Variants in BBS4 observed in about 807,000 individuals in gnomAD.
BBS4 encodes Bardet-Biedl syndrome 4.
A neutral mutation model predicts 71.4 loss-of-function variants in BBS4; 58 were observed. That is an observed-to-expected ratio of 0.81 (90% CI 0.66 to 1.01). The LOEUF (loss-of-function observed/expected upper bound fraction) is 1.01, where lower values mean the gene tolerates loss of function less well. Ranked by LOEUF, BBS4 falls within the 50% of genes least tolerant of loss-of-function variation. The pLI is 0.00. For missense variants in BBS4, 660 were observed against 607.9 expected, an observed-to-expected ratio of 1.09 and a Z score of -0.90; for synonymous variants, 228 against 216.8, an observed-to-expected ratio of 1.05 and a Z score of -0.46.
chr15:72,722,659 A>C (rs1372504339), intron 6 of BBS4, 135 bp from the exon 7 acceptor site: 49 of 743,156 alleles, frequency 6.6e-5, no homozygotes, highest in Non-Finnish European at 1.1e-4. Context: ...AACTCTAATA[A>C]AAAGCTGACT....
chr15:72,737,809 G>A lies in BBS4; in HGVS notation c.*222G>A, dbSNP rs1040450442. 3 of 568,338 alleles carry A rather than the reference G, an allele frequency of 5.3e-6. No homozygotes were observed. In the African/African-American group the frequency reaches 5.6e-5, roughly 11 times the overall value. The allele number at this position is 568,338 out of a possible 1,614,324, so 35.2% of individuals were successfully genotyped here. On this transcript the variant is annotated 3_prime_UTR_variant, in exon 16 of 16. Coordinates refer to ENST00000268057, the MANE Select transcript of BBS4 (RefSeq NM_033028.5). ...CCCCATAAGCCAGGAAAAGTGAAAA[G>A]AGAACACAGTTCCTTTAAGAACTGG...
intron 1 of BBS4, among the ~76,000 whole-genome samples, chr15:72,692,942 C>T (rs1219285618): frequency 6.6e-6 from 1 of 152,088 alleles, no homozygotes; most frequent in African/African-American, 2.4e-5. Flanking sequence ...TTTCTACCTC[C>T]TTTCTTTTTT....
chr15:72,709,625 T>A lies in BBS4; in HGVS notation c.77-75T>A, dbSNP rs1371208658. 12 of 1,060,662 alleles carry A rather than the reference T, an allele frequency of 1.1e-5. 1 individual carries two copies. The highest frequency in any genetic ancestry group is 2.3e-4 in the Middle Eastern group (1 of 4,422). The allele number at this position is 1,060,662 out of a possible 1,614,324, so 65.7% of individuals were successfully genotyped here. A position where few individuals can be genotyped will look rare whatever the true frequency, so the allele number is the denominator to read the frequency against. Reference sequence around the variant, plus strand: ...GATATTGCAGTATGTTTATGGTTAGTTTAGACATGAGGACAGTGCTAAAGG... The same window carrying A: ...GATATTGCAGTATGTTTATGGTTAGATTAGACATGAGGACAGTGCTAAAGG... On this transcript the variant is annotated intron_variant, in intron 2 of 15. Transcript: ENST00000268057.
intron 4 of BBS4, among the ~76,000 whole-genome samples, chr15:72,714,220 CTTTTTT>C (rs58123834): frequency 2.3e-4 from 23 of 98,482 alleles, no homozygotes; most frequent in Non-Finnish European, 3.9e-4. Flanking sequence ...CACTCACTTA[CTTTTTT>C]TTTTTTTTTT....
In BBS4 at chr15:72,737,768, C is replaced by G. The variant is rs1440649501; in HGVS notation, c.*181C>G. 3.1e-6 allele frequency: 2 copies of G among 637,822 alleles called. No individual in the cohort carries two copies. The highest frequency in any genetic ancestry group is 2.9e-6 in the Non-Finnish European group (1 of 346,406). 39.5% of individuals were successfully genotyped at this position (637,822 alleles called of 1,614,324 possible). On this transcript the variant is annotated 3_prime_UTR_variant, in exon 16 of 16. Coordinates refer to ENST00000268057, the MANE Select transcript of BBS4 (RefSeq NM_033028.5). ...CCTACCTGGTATTGGCATTTGAGGTCGGAAACCCTCTACTGCCCCATAAGC... is the reference window on the plus strand; with the variant it reads ...CCTACCTGGTATTGGCATTTGAGGTGGGAAACCCTCTACTGCCCCATAAGC...
Position 72,731,368 on chromosome 15 carries a change from T to A in BBS4, c.775T>A (p.Tyr259Asn), listed in dbSNP as rs144043892. The change falls in exon 11 of 16, where the codon TAC becomes AAC. Residue 259 changes from tyrosine to asparagine, a missense_variant. Transcript: ENST00000268057. Reference sequence around the variant, plus strand: ...GGACTTTGATGTTGCCCTCACCAAATACAGAGTTGTGGCTTGTGCTGTTCC... The same window carrying A: ...GGACTTTGATGTTGCCCTCACCAAAAACAGAGTTGTGGCTTGTGCTGTTCC... ...HGDFDVALTK[Y>N]RVVACAVPES... The A allele has an allele frequency of 3.7e-6, 6 of 1,614,066 alleles. No homozygotes were observed. The highest frequency in any genetic ancestry group is 5.1e-6 in the Non-Finnish European group (6 of 1,180,030).
intron 10 of BBS4, among the ~76,000 whole-genome samples, chr15:72,731,065 CTTTTTTTTTTTTTTTTTT>C (rs35004414): frequency 5.2e-5 from 4 of 77,610 alleles, no homozygotes; most frequent in Non-Finnish European, 9.6e-5. Flanking sequence ...AACATTTTAT[CTTTTTTTTTTTTTTTTTT>C]TTTTTTTTTT....
intron 3 of BBS4, 56 bp from the exon 4 acceptor site, chr15:72,712,188 A>G (rs2065385042): frequency 1.3e-6 from 2 of 1,543,588 alleles, no homozygotes; most frequent in Non-Finnish European, 8.9e-7. Flanking sequence ...ACTTTTTCTT[A>G]AAGACACCTG....
rs2065948530 is a variant in BBS4 at position 72,737,496 on chromosome 15, A to C, written c.1469A>C (p.Gln490Pro). Reference sequence around the variant, plus strand: ...TTACTAGGTGCTGGAGGAACATCCCAGTTCACAAAGCCCCCATCTCTTCCT... The same window carrying C: ...TTACTAGGTGCTGGAGGAACATCCCCGTTCACAAAGCCCCCATCTCTTCCT... ...TLPSGAGGTS[Q>P]FTKPPSLPLE... Residue 490 changes from glutamine (Q) to proline (P), a missense_variant, in exon 16 of 16, where the codon CAG becomes CCG. Physicochemically the swap from Gln to Pro is moderately conservative, Grantham distance 76. Transcript: ENST00000268057. 15 of 1,612,692 alleles carry C rather than the reference A, an allele frequency of 9.3e-6. No individual in the cohort carries two copies. The highest frequency in any genetic ancestry group is 1.2e-5 in the Non-Finnish European group (14 of 1,179,512).
At chr15:72,734,725 G>A (rs184983992) in intron 12 of BBS4, among the ~76,000 whole-genome samples, 3 of 152,250 alleles carry the variant, frequency 2.0e-5, no homozygotes, top group Admixed American at 2.0e-4. Context: ...AAAGATCATG[G>A]TTATAGATGT....
At chr15:72,706,614 G>C (rs2065268533) in intron 2 of BBS4, among the ~76,000 whole-genome samples, 1 of 152,172 alleles carries the variant, frequency 6.6e-6, no homozygotes, top group Non-Finnish European at 1.5e-5. Flanking sequence ...GGAAACACAA[G>C]TCTTAGAAGA....
At chr15:72,686,475 C>T (rs1341187336) in intron 1 of BBS4, 3 of 1,529,464 alleles carry the variant, frequency 2.0e-6, no homozygotes, top group African/African-American at 1.4e-5. Context: ...TGTAGTCCCT[C>T]TTGGGGTGCG....
chr15:72,732,872 G>A (rs1377031217), intron 12 of BBS4, among the ~76,000 whole-genome samples: 1 of 152,202 alleles, frequency 6.6e-6, no homozygotes, highest in African/African-American at 2.4e-5. Flanking sequence ...GCAAGACCGG[G>A]AAAGCAGGTT....
intron 1 of BBS4, among the ~76,000 whole-genome samples, chr15:72,691,158 ATT>A (rs947543013): frequency 6.6e-6 from 1 of 151,994 alleles, no homozygotes; most frequent in African/African-American, 2.4e-5. Flanking sequence ...ATTTTTGTAT[ATT>A]TTGTAGAGGC....
At chr15:72,687,419 C>T (rs1196708537) in intron 1 of BBS4, among the ~76,000 whole-genome samples, 1 of 151,804 alleles carries the variant, frequency 6.6e-6, no homozygotes, top group African/African-American at 2.4e-5. Flanking sequence ...TCCTGGCCAA[C>T]ATGGTGAAAC....
chr15:72,735,873 G>T lies in BBS4; in HGVS notation c.1155G>T (p.Gln385His). The T allele has an allele frequency of 1.2e-6, 2 of 1,614,142 alleles. No individual in the cohort carries two copies. The highest frequency in any genetic ancestry group is 1.7e-6 in the Non-Finnish European group (2 of 1,180,036). The change falls in exon 14 of 16, where the codon CAG becomes CAT. Residue 385 changes from glutamine to histidine, a missense_variant. Coordinates refer to ENST00000268057, the MANE Select transcript of BBS4 (RefSeq NM_033028.5). ...NLNYAVLLYNQGEKKNALAQY... is the reference protein window; with the variant it reads ...NLNYAVLLYNHGEKKNALAQY... ...ACTATGCTGTGCTGCTGTACAACCA[G>T]GGCGAGAAGAAGAACGCCCTGGCCC... is the stretch of plus-strand genomic sequence containing the variant.
intron 4 of BBS4, 150 bp from the exon 5 acceptor site, chr15:72,715,141 G>A (rs2065444896): frequency 1.5e-6 from 1 of 663,974 alleles, no homozygotes; most frequent in Non-Finnish European, 2.7e-6. Flanking sequence ...CCTGTCCAAA[G>A]CCATATCTGA....
At chr15:72,686,492 G>A (rs759969973) in intron 1 of BBS4, 260 of 1,523,510 alleles carry the variant, frequency 1.7e-4, no homozygotes, top group Non-Finnish European at 2.0e-4. Context: ...TGCGCTGGAC[G>A]GAGAAGGGAG....
chr15:72,730,485 G>A (rs1031977470), intron 10 of BBS4, among the ~76,000 whole-genome samples: 12 of 151,888 alleles, frequency 7.9e-5, no homozygotes, highest in Admixed American at 2.6e-4. Flanking sequence ...CTAGCCACTC[G>A]GAAGGTGGAA....
Sources: allele counts gnomAD v4.1 joint callset (sites outside exome capture counted in the v4.1 genomes callset), GRCh38; gene constraint gnomAD v4.1.1; transcripts MANE v1.5; gene names NCBI Gene and HGNC (gene_info 2026-07-23, HGNC 2026-07-21).